SVIL: variants seen among roughly 807,000 people sequenced by gnomAD.
SVIL encodes archvillin.
In SVIL, 101 loss-of-function variants were observed where a neutral mutation model predicts 240.4. The ratio of observed to expected loss-of-function variants is 0.42; its 90% CI spans 0.36 to 0.50. SVIL has a LOEUF of 0.50. Among genes scored for constraint, SVIL ranks in the 20% least tolerant of loss-of-function variants. SVIL has a pLI of 0.01. For synonymous variants in SVIL, 999 were observed against 1,100.0 expected, an observed-to-expected ratio of 0.91 and a Z score of 1.82; for missense variants, 2,512 against 2,818.7, an observed-to-expected ratio of 0.89 and a Z score of 2.46.
intron 2 of SVIL, among the ~76,000 whole-genome samples, chr10:29,679,301 C>G (rs1448908096): frequency 6.6e-6 from 1 of 152,168 alleles, no homozygotes; most frequent in Non-Finnish European, 1.5e-5. Flanking sequence ...TTACTAAATT[C>G]TCAAATGTCA....
chr10:29,622,099 A>G lies in SVIL; in HGVS notation c.-201+12321T>C, dbSNP rs1436825425. Reference sequence around the variant, plus strand: ...CCCCGTCTCTACTAAAAATACAAAAAATTAGCCGGGCGTGGTGGCGGGCGC... The same window carrying G: ...CCCCGTCTCTACTAAAAATACAAAAGATTAGCCGGGCGTGGTGGCGGGCGC... On this transcript the variant is annotated intron_variant, in intron 1 of 37. Coordinates refer to ENST00000355867, the MANE Select transcript of SVIL (RefSeq NM_021738.3). 2.7e-5 allele frequency among the ~76,000 whole-genome samples: 4 copies of G among 149,860 alleles called. 1 individual carries two copies. The South Asian group carries it at 8.6e-4, about 32-fold the overall frequency.
intron 17 of SVIL, among the ~76,000 whole-genome samples, chr10:29,505,765 T>C (rs1200788471): frequency 6.6e-6 from 1 of 152,128 alleles, no homozygotes; most frequent in East Asian, 1.9e-4. Context: ...GGTGGCTGTG[T>C]GTGGGAGGGC....
chr10:29,509,330 G>GGAGAGAGAGAGA (rs66616602), intron 17 of SVIL, among the ~76,000 whole-genome samples: 971 of 66,822 alleles, frequency 0.015, 72 homozygotes, highest in East Asian at 0.029. Flanking sequence ...GGAGGGGGAG[G>GGAGAGAGAGAGA]GAGAGAGAGA....
intron 3 of SVIL, among the ~76,000 whole-genome samples, chr10:29,559,494 C>T (rs1954257111): frequency 6.6e-6 from 1 of 152,156 alleles, no homozygotes; most frequent in African/African-American, 2.4e-5. Context: ...TCACCAGCTA[C>T]AATTCAATTG....
intron 16 of SVIL, among the ~76,000 whole-genome samples, chr10:29,518,318 G>A (rs1950345218): frequency 6.6e-6 from 1 of 151,984 alleles, no homozygotes; most frequent in Admixed American, 6.5e-5. Context: ...AACCCAGGAG[G>A]GGGAGGCTTC....
intron 3 of SVIL, among the ~76,000 whole-genome samples, chr10:29,560,810 T>C (rs942263891): frequency 8.6e-5 from 13 of 151,472 alleles, no homozygotes; most frequent in South Asian, 2.1e-4. Context: ...GTAGAGAATT[T>C]AGGTGAAATT....
intron 1 of SVIL, among the ~76,000 whole-genome samples, chr10:29,620,003 C>T (rs1957572057): frequency 6.6e-6 from 1 of 152,036 alleles, no homozygotes; most frequent in Non-Finnish European, 1.5e-5. Flanking sequence ...CAGCTTCTTT[C>T]CACAAGGTAT....
intron 32 of SVIL, among the ~76,000 whole-genome samples, chr10:29,468,108 G>A (rs999197980): frequency 1.6e-4 from 24 of 152,144 alleles, no homozygotes; most frequent in African/African-American, 5.3e-4. Context: ...CCCTGTACCC[G>A]TTAGCAGTCA....
In SVIL at chr10:29,487,311, G is replaced by A. The variant is rs745442082; in HGVS notation, c.4349-12C>T. 4.3e-6 allele frequency: 7 copies of A among 1,613,762 alleles called. No homozygotes were observed. In the Admixed American group the frequency reaches 6.7e-5, roughly 15 times the overall value. ...CACATGTCTTCTTCCTGAACACGAG[G>A]CAGACAGTCACCGTCTTTCCAGACA... On this transcript the variant is annotated splice_polypyrimidine_tract_variant and intron_variant, in intron 23 of 37. Transcript: ENST00000355867.
chr10:29,503,029 A>T (rs1217378863), intron 17 of SVIL, among the ~76,000 whole-genome samples: 9 of 152,342 alleles, frequency 5.9e-5, no homozygotes, highest in Admixed American at 5.9e-4. Flanking sequence ...CCTGGCTTTT[A>T]AAATTTTTTT....
Position 29,463,582 on chromosome 10 carries a change from G to C in SVIL, c.6187C>G (p.Pro2063Ala), listed in dbSNP as rs771509344. 6.2e-7 allele frequency: 1 copy of C among 1,614,148 alleles called. No individual in the cohort carries two copies. The highest frequency in any genetic ancestry group is 1.1e-5 in the South Asian group (1 of 91,084). The change falls in exon 35 of 38, where the codon CCC becomes GCC. Residue 2063 changes from proline to alanine, a missense_variant. By Grantham distance (27) the Pro-to-Ala change is conservative (BLOSUM62 -1). Around this residue, in one of 3 missense-constraint regions of SVIL, gnomAD observed 797 missense variants for 925.3 expected, o/e 0.86. Transcript: ENST00000355867. ...HEVYLWQGWW[P>A]IENKITGSAR... ...GAACCAGTGATCTTGTTCTCGATGGGCCACCAGCCTTGCCAGAGGTACACC... is the reference window on the plus strand; with the variant it reads ...GAACCAGTGATCTTGTTCTCGATGGCCCACCAGCCTTGCCAGAGGTACACC...
chr10:29,659,096 T>C (rs1403040528), intron 2 of SVIL, among the ~76,000 whole-genome samples: 1 of 152,186 alleles, frequency 6.6e-6, no homozygotes, highest in Non-Finnish European at 1.5e-5. Flanking sequence ...GCATTTCCCC[T>C]TGTGGTTTGC....
chr10:29,657,269 A>G (rs1230340468), intron 3 of SVIL, among the ~76,000 whole-genome samples: 1 of 152,202 alleles, frequency 6.6e-6, no homozygotes, highest in Non-Finnish European at 1.5e-5. Flanking sequence ...TGCGCAATCA[A>G]TATTTAATGA....
At chr10:29,531,901 G>C (rs111231756) in intron 9 of SVIL, 101 bp downstream of exon 9, 4 of 1,322,606 alleles carry the variant, frequency 3.0e-6, no homozygotes, top group Non-Finnish European at 4.2e-6. Context: ...TTATGGAATC[G>C]CCAACATCCT....
chr10:29,522,721 G>A, intron 15 of SVIL, 86 bp from the exon 16 acceptor site: 1 of 1,440,572 alleles, frequency 6.9e-7, no homozygotes, highest in Non-Finnish European at 9.4e-7. Flanking sequence ...CAGCTCTCAG[G>A]GTTCAATCCG....
At chr10:29,608,945 G>A (rs1713695084) in intron 1 of SVIL, among the ~76,000 whole-genome samples, 1 of 152,214 alleles carries the variant, frequency 6.6e-6, no homozygotes, top group South Asian at 2.1e-4. Flanking sequence ...TGGCCAATCA[G>A]ACGGTGCTTT....
intron 2 of SVIL, among the ~76,000 whole-genome samples, chr10:29,658,423 A>C (rs908815412): frequency 5.1e-4 from 78 of 152,260 alleles, no homozygotes; most frequent in African/African-American, 1.8e-3. Flanking sequence ...ATTTTTGGTA[A>C]ATATGAGTAC....
At chr10:29,476,195 A>G (rs560757824) in intron 29 of SVIL, among the ~76,000 whole-genome samples, 1 of 152,352 alleles carries the variant, frequency 6.6e-6, no homozygotes, top group South Asian at 2.1e-4. Context: ...TTGAATAGCA[A>G]TCCCATTCTT....
rs61737022 is a variant in SVIL, at chr10:29,512,751, C to T, written c.3500G>A (p.Arg1167Gln). The change falls in exon 17 of 38, where the codon CGG becomes CAG. Residue 1167 changes from arginine (R) to glutamine (Q), a missense_variant. Transcript: ENST00000355867. The stretch of plus-strand genomic sequence containing the variant: ...GAATGTTACCTTCTTGATGAGGGAC[C>T]GCCCTGCTTCCTGGGTGTGCAGGCT... Reference protein sequence around the residue: ...ASSLHTQEAGRSLIKKRVTES... With the variant: ...ASSLHTQEAGQSLIKKRVTES... 9.8e-4 allele frequency: 1,586 copies of T among 1,614,044 alleles called. 14 individuals carry two copies. In the African/African-American group the frequency reaches 0.017, roughly 17 times the overall value.
Sources: allele counts gnomAD v4.1 joint callset (sites outside exome capture counted in the v4.1 genomes callset), GRCh38; gene constraint gnomAD v4.1.1; regional missense constraint gnomAD v4.1.1; transcripts MANE v1.5; gene names NCBI Gene and HGNC (gene_info 2026-07-23, HGNC 2026-07-21).